The following NBR1 variants were observed in gnomAD, a reference collection of about 807,000 sequenced individuals.
NBR1 encodes the protein NBR1 autophagy cargo receptor, also known as next to BRCA1 gene 1 protein.
NBR1 carries 59 observed loss-of-function variants against 115.5 expected under a neutral mutation model. The observed-to-expected ratio is 0.51, with a 90% CI of 0.41 to 0.63. NBR1 has a LOEUF of 0.63. NBR1 is among the 30% of genes least tolerant of loss of function. The pLI, the probability that NBR1 is intolerant of heterozygous loss-of-function variation, is 0.00. For synonymous variants in NBR1, 373 were observed against 414.7 expected, an observed-to-expected ratio of 0.90 and a Z score of 1.22; for missense variants, 1,043 against 1,150.5, an observed-to-expected ratio of 0.91 and a Z score of 1.35.
chr17:43,189,887 T>A, intron 8 of NBR1, 85 bp downstream of exon 8: 1 of 1,147,824 alleles, frequency 8.7e-7, no homozygotes, highest in Non-Finnish European at 1.3e-6. Context: ...AAAGGGAAAT[T>A]AATTGTACCC....
At chr17:43,195,574 C>T (rs1182249846) in intron 14 of NBR1, 1 of 155,032 alleles carries the variant, frequency 6.5e-6, no homozygotes, top group Non-Finnish European at 1.4e-5. Flanking sequence ...TTGCTTGAAC[C>T]CAGAAGGCGG....
chr17:43,171,941 C>A (rs1288906673), intron 1 of NBR1, among the ~76,000 whole-genome samples: 2 of 152,146 alleles, frequency 1.3e-5, no homozygotes, highest in Admixed American at 1.3e-4. Context: ...CCGCTCCCGG[C>A]CTCAGGTCAC....
chr17:43,204,309 T>C (rs1322854931), intron 20 of NBR1, among the ~76,000 whole-genome samples: 3 of 152,036 alleles, frequency 2.0e-5, no homozygotes, highest in African/African-American at 7.2e-5. Flanking sequence ...AATGTATTAT[T>C]GATGATCTAT....
chr17:43,190,663 T>C lies in NBR1; in HGVS notation c.750T>C (p.His250=), dbSNP rs373305195. The change falls in exon 9 of 21, where the codon CAT becomes CAC. Residue 250 remains histidine (H), a synonymous_variant. Coordinates refer to ENST00000590996, the MANE Select transcript of NBR1 (RefSeq NM_005899.5). ...CEDCEAGPYG[H]DTNHVLLKLR... ...ATTGTGAAGCAGGGCCATATGGCCATGACACTAACCACGTCCTGCTGAAGT... is the reference window on the plus strand; with the variant it reads ...ATTGTGAAGCAGGGCCATATGGCCACGACACTAACCACGTCCTGCTGAAGT... 6.2e-6 allele frequency: 10 copies of C among 1,612,446 alleles called. No homozygotes were observed. In the African/African-American group the frequency reaches 6.7e-5, roughly 11 times the overall value.
At chr17:43,201,213 T>C (rs1362317782) in intron 17 of NBR1, among the ~76,000 whole-genome samples, 2 of 152,194 alleles carry the variant, frequency 1.3e-5, no homozygotes. Context: ...CTTCCCTCCT[T>C]GTTTTATTGA....
At chr17:43,181,592 G>A (rs1314129137) in intron 5 of NBR1, among the ~76,000 whole-genome samples, 2 of 152,162 alleles carry the variant, frequency 1.3e-5, no homozygotes, top group African/African-American at 2.4e-5. Flanking sequence ...CGTGAACCCC[G>A]GAGGCGGAGC....
intron 18 of NBR1, 56 bp downstream of exon 18, chr17:43,201,836 A>T: frequency 1.0e-6 from 1 of 968,152 alleles, no homozygotes. Flanking sequence ...AATGGAAACC[A>T]GGTATAAATA....
rs374455000 is a variant in NBR1 at position 43,177,977 on chromosome 17, C to A, written c.144C>A (p.Tyr48Ter). ...ATCTGAATACTATTCAAATAAAATA[C>A]CTGGATGAGGAAAATGAAGAGGTAA... ...SFDLNTIQIKYLDEENEEVSI... is the reference protein window; with the variant it reads ...SFDLNTIQIK Residue 48 changes from tyrosine (Y) to a stop codon, truncating the protein, a stop_gained, in exon 3 of 21, where the codon TAC (tyrosine) becomes TAA (stop). Coordinates refer to ENST00000590996, the MANE Select transcript of NBR1 (RefSeq NM_005899.5). LOFTEE classifies it high-confidence loss of function. The A allele has an allele frequency of 6.4e-7, 1 of 1,563,958 alleles. No homozygotes were observed. Among genetic ancestry groups the A allele is most frequent in the Non-Finnish European group, 8.7e-7 (1 of 1,143,648 alleles).
intron 1 of NBR1, among the ~76,000 whole-genome samples, chr17:43,171,951 C>T (rs1358469508): frequency 6.6e-6 from 1 of 152,026 alleles, no homozygotes; most frequent in Non-Finnish European, 1.5e-5. Flanking sequence ...CCTCAGGTCA[C>T]ACATTTTAAA....
intron 6 of NBR1, among the ~76,000 whole-genome samples, chr17:43,187,460 G>A (rs1217292653): frequency 8.0e-5 from 12 of 149,546 alleles, no homozygotes; most frequent in African/African-American, 2.2e-4. Context: ...GATTACAGGC[G>A]TGAGCCACCG....
At chr17:43,185,404 A>G (rs991490621) in intron 5 of NBR1, among the ~76,000 whole-genome samples, 2 of 152,164 alleles carry the variant, frequency 1.3e-5, no homozygotes, top group African/African-American at 4.8e-5. Context: ...CACCTCTACA[A>G]AAATACAAAA....
In NBR1 at chr17:43,175,773, C is replaced by G. The variant is rs1254233607; in HGVS notation, c.-9-18C>G. On this transcript the variant is annotated intron_variant, in intron 1 of 20. Coordinates refer to ENST00000590996, the MANE Select transcript of NBR1 (RefSeq NM_005899.5). ...TAATGTGTTTTTCTCTCTCTCCCAC[C>G]AACCTTCTCAACCCTAGCCTCACAG... 1 of 1,240,152 alleles carries G rather than the reference C, an allele frequency of 8.1e-7. No individual in the cohort carries two copies. The highest frequency in any genetic ancestry group is 1.2e-6 in the Non-Finnish European group (1 of 862,190). 76.8% of individuals were successfully genotyped at this position (1,240,152 alleles called of 1,614,324 possible).
chr17:43,173,810 C>G (rs935510984), intron 1 of NBR1, among the ~76,000 whole-genome samples: 18 of 151,994 alleles, frequency 1.2e-4, no homozygotes, highest in Admixed American at 1.2e-3. Flanking sequence ...AGTTTGTGTG[C>G]TCCTCCGCCT....
chr17:43,203,681 G>A lies in NBR1; in HGVS notation c.2622G>A (p.Arg874=). 1 of 1,602,058 alleles carries A rather than the reference G, an allele frequency of 6.2e-7. No homozygotes were observed. The highest frequency in any genetic ancestry group is 2.2e-5 in the East Asian group (1 of 44,712). The change falls in exon 20 of 21, where the codon AGG becomes AGA. Residue 874 remains arginine (R), a splice_region_variant and synonymous_variant. Transcript: ENST00000590996. The stretch of plus-strand genomic sequence containing the variant: ...GAGATAATTTGGTTTTCCTCTGCAG[G>A]CACCATCATGGGAGCAGCATTGCTG... ...NSRQKSYDHS[R]HHHGSSIAGG...
rs745667747 is a variant in NBR1, at chr17:43,197,115, C to T, written c.2026+9C>T. ...ACAGAAGTCCTTGCAGAGTGAGTGT[C>T]CTTGCATTTCCCCTACCTAGCAGGG... On this transcript the variant is annotated intron_variant, in intron 16 of 20. Transcript: ENST00000590996. 6.2e-7 allele frequency: 1 copy of T among 1,613,034 alleles called. No individual in the cohort carries two copies. Among genetic ancestry groups the T allele is most frequent in the South Asian group, 1.1e-5 (1 of 91,020 alleles).
chr17:43,208,104 C>G (rs1321991521), intron 20 of NBR1, among the ~76,000 whole-genome samples: 2 of 152,172 alleles, frequency 1.3e-5, no homozygotes, highest in Non-Finnish European at 2.9e-5. Context: ...GGGACATGGT[C>G]AACGGTGTTA....
In NBR1 at chr17:43,203,677, G is replaced by C; in HGVS notation, c.2622-4G>C. ...TGGGGAGATAATTTGGTTTTCCTCT[G>C]CAGGCACCATCATGGGAGCAGCATT... On this transcript the variant is annotated splice_polypyrimidine_tract_variant and splice_region_variant and intron_variant, in intron 19 of 20. Coordinates refer to ENST00000590996, the MANE Select transcript of NBR1 (RefSeq NM_005899.5). 1 of 1,600,294 alleles carries C rather than the reference G, an allele frequency of 6.2e-7. No individual in the cohort carries two copies. The highest frequency in any genetic ancestry group is 2.2e-5 in the East Asian group (1 of 44,696).
chr17:43,176,088 C>G, intron 2 of NBR1, 187 bp downstream of exon 2: 1 of 443,968 alleles, frequency 2.3e-6, no homozygotes, highest in Non-Finnish European at 4.0e-6. Flanking sequence ...ATAAAGGGAA[C>G]CAACACATAA....
chr17:43,209,384 C>G (rs1325345664), intron 20 of NBR1, among the ~76,000 whole-genome samples: 1 of 152,096 alleles, frequency 6.6e-6, no homozygotes, highest in Non-Finnish European at 1.5e-5. Context: ...CCCCTCTTAC[C>G]TATTCTTTTG....
Sources: allele counts gnomAD v4.1 joint callset (sites outside exome capture counted in the v4.1 genomes callset), GRCh38; gene constraint gnomAD v4.1.1; transcripts MANE v1.5; gene names NCBI Gene and HGNC (gene_info 2026-07-23, HGNC 2026-07-21).